BBS2: variants seen among roughly 807,000 people sequenced by gnomAD.
BBS2 encodes BBSome complex member BBS2.
A neutral mutation model predicts 83.0 loss-of-function variants in BBS2; 62 were observed. That is an observed-to-expected ratio of 0.75 (90% CI 0.61 to 0.92). The LOEUF (loss-of-function observed/expected upper bound fraction) is 0.92. Ranked by LOEUF, BBS2 falls within the 40% of genes least tolerant of loss-of-function variation. The pLI is 0.00. For synonymous variants in BBS2, 303 were observed against 326.1 expected (o/e 0.93, Z 0.76); for missense variants, 784 against 901.0 (o/e 0.87, Z 1.66).
intron 1 of BBS2, chr16:56,516,179 G>A (rs1964742862): frequency 6.6e-6 from 1 of 152,182 alleles, no homozygotes; most frequent in Admixed American, 6.5e-5. Flanking sequence ...AGGGAGACAA[G>A]TCTGTCCCTT....
chr16:56,480,236 A>G (rs1224533423), downstream of BBS2, among the ~76,000 whole-genome samples: 3 of 151,814 alleles, frequency 2.0e-5, no homozygotes, highest in African/African-American at 7.3e-5. Flanking sequence ...TAGGGTTCCA[A>G]AAGAAAGAAT....
chr16:56,489,349 T>C (rs1963874104), intron 15 of BBS2, among the ~76,000 whole-genome samples: 1 of 151,754 alleles, frequency 6.6e-6, no homozygotes, highest in African/African-American at 2.4e-5. Flanking sequence ...TCAAAATAAT[T>C]TTTTTTAAAA....
chr16:56,515,348 T>C (rs1487716087), intron 1 of BBS2, among the ~76,000 whole-genome samples: 1 of 152,178 alleles, frequency 6.6e-6, no homozygotes, highest in Non-Finnish European at 1.5e-5. Flanking sequence ...GTTTGGACTA[T>C]AAAATGCAGT....
intron 15 of BBS2, among the ~76,000 whole-genome samples, chr16:56,487,733 A>G (rs1963821961): frequency 6.6e-6 from 1 of 152,184 alleles, no homozygotes. Flanking sequence ...TTTGTTACGG[A>G]GCTACAAAAA....
chr16:56,491,725 C>CAAAAAAAAA (rs773397021), intron 15 of BBS2, among the ~76,000 whole-genome samples: 12 of 43,192 alleles, frequency 2.8e-4, no homozygotes, highest in South Asian at 6.4e-4. Context: ...AACTCAACAG[C>CAAAAAAAAA]AAAAAAAAAA....
At chr16:56,503,225 T>G (rs1964327930) in intron 7 of BBS2, among the ~76,000 whole-genome samples, 1 of 152,204 alleles carries the variant, frequency 6.6e-6, no homozygotes, top group African/African-American at 2.4e-5. Context: ...GGTCTTTTCA[T>G]CTGGGGTTCA....
chr16:56,514,449 T>C lies in BBS2; in HGVS notation c.345+4A>G, dbSNP rs749718244. The C allele has an allele frequency of 3.7e-6, 6 of 1,612,324 alleles. No individual in the cohort carries two copies. The highest frequency in any genetic ancestry group is 1.3e-5 in the African/African-American group (1 of 74,884). On this transcript the variant is annotated splice_donor_region_variant and intron_variant, in intron 2 of 16. Transcript: ENST00000245157. Reference sequence around the variant, plus strand: ...AATTTTATGGTTATAAAGGTTATACTTGCCTCTCTGTAGAACAAATCCGAA... The same window carrying C: ...AATTTTATGGTTATAAAGGTTATACCTGCCTCTCTGTAGAACAAATCCGAA...
At chr16:56,471,428 T>C (rs1394660761) in intron 17 of BBS2, among the ~76,000 whole-genome samples, 1 of 151,726 alleles carries the variant, frequency 6.6e-6, no homozygotes, top group Non-Finnish European at 1.5e-5. Flanking sequence ...TAGAAAAGTC[T>C]CTCTGAGGAG....
chr16:56,488,801 C>T (rs1259789905), intron 15 of BBS2, among the ~76,000 whole-genome samples: 2 of 151,760 alleles, frequency 1.3e-5, no homozygotes, highest in Non-Finnish European at 2.9e-5. Context: ...TGACCCCTAT[C>T]CTGAAGCTAC....
chr16:56,475,001 C>G (rs750474285), intron 17 of BBS2: 3 of 1,595,550 alleles, frequency 1.9e-6, no homozygotes, highest in Admixed American at 1.7e-5. Context: ...GAGGGGCAGT[C>G]TCTTCTGAGG....
chr16:56,482,700 T>C (rs560786434), downstream of BBS2, among the ~76,000 whole-genome samples: 2 of 152,304 alleles, frequency 1.3e-5, no homozygotes, highest in African/African-American at 4.8e-5. Flanking sequence ...TAAACAGCTA[T>C]TAAGATATTA....
In BBS2 at chr16:56,502,450, C is replaced by G. The variant is rs376736472; in HGVS notation, c.947G>C (p.Gly316Ala). The G allele has an allele frequency of 6.2e-7, 1 of 1,614,166 alleles. No individual in the cohort carries two copies. Among genetic ancestry groups the G allele is most frequent in the African/African-American group, 1.3e-5 (1 of 75,036 alleles). Residue 316 changes from glycine to alanine, a missense_variant, in exon 9 of 17, where the codon GGC becomes GCC. By Grantham distance (60) the Gly-to-Ala change is moderately conservative (BLOSUM62 0). Coordinates refer to ENST00000245157, the MANE Select transcript of BBS2 (RefSeq NM_031885.5). ...CATCTCAGCCGTGCCAGGCAGGTAG[C>G]CCCGGACTGAACAGAAGGAAAAAAC... is the stretch of plus-strand genomic sequence containing the variant. ...ICCSVDGEIR[G>A]YLPGTAEMRG...
At chr16:56,483,685 C>T (rs1261740563), downstream of BBS2, among the ~76,000 whole-genome samples, 23 of 151,364 alleles carry the variant, frequency 1.5e-4, no homozygotes, top group African/African-American at 4.6e-4. Flanking sequence ...AAAAAGCACA[C>T]AAATCCAAAT....
intron 17 of BBS2, chr16:56,478,444 T>A (rs1242280653): frequency 6.6e-6 from 1 of 152,248 alleles, no homozygotes; most frequent in Non-Finnish European, 1.5e-5. Flanking sequence ...TACTAATGGT[T>A]AATGTCACAG....
At position 56,501,424 on chromosome 16, in the gene BBS2, G is replaced by C. The variant is rs768860769; in HGVS notation, c.1154C>G (p.Thr385Ser). Residue 385 changes from threonine (T) to serine (S), a missense_variant, in exon 10 of 17, where the codon ACC (threonine) becomes AGC (serine). By Grantham distance (58) the Thr-to-Ser change is moderately conservative. Coordinates refer to ENST00000245157, the MANE Select transcript of BBS2 (RefSeq NM_031885.5). ...ATTCCCCAGGCTGACTGAGAGCGTG[G>C]TGTGGAGCCTGGTATTGGCTGGGAT... ...GIIPANTRLHTTLSVSLGNET... is the reference protein window; with the variant it reads ...GIIPANTRLHSTLSVSLGNET... 1 of 1,614,194 alleles carries C rather than the reference G, an allele frequency of 6.2e-7. No individual in the cohort carries two copies. Among genetic ancestry groups the C allele is most frequent in the South Asian group, 1.1e-5 (1 of 91,088 alleles).
rs886052149 is a variant in BBS2, at chr16:56,510,852, C to G, written c.534+7G>C. ...CACACAAGAGAGATATCTCCTCCCC[C>G]ACATACCTCTTTCTTTCCATCACCA... is the stretch of plus-strand genomic sequence containing the variant. On this transcript the variant is annotated splice_region_variant and intron_variant, in intron 4 of 16. Transcript: ENST00000245157. The G allele has an allele frequency of 8.1e-6, 13 of 1,613,716 alleles. No homozygotes were observed. Among genetic ancestry groups the G allele is most frequent in the South Asian group, 1.1e-5 (1 of 91,078 alleles).
intron 17 of BBS2, chr16:56,475,014 C>A: frequency 6.5e-7 from 1 of 1,541,104 alleles, no homozygotes; most frequent in Non-Finnish European, 8.9e-7. Context: ...TTCTGAGGGA[C>A]CCTTTCCAGC....
At position 56,519,730 on chromosome 16, in the gene BBS2, G is replaced by C. The variant is rs540688936; in HGVS notation, c.117+16C>G. 13 of 1,591,990 alleles carry C rather than the reference G, an allele frequency of 8.2e-6. No individual in the cohort carries two copies. In the South Asian group the frequency reaches 1.4e-4, roughly 18 times the overall value. On this transcript the variant is annotated intron_variant, in intron 1 of 16. Coordinates refer to ENST00000245157, the MANE Select transcript of BBS2 (RefSeq NM_031885.5). ...GTTCCCTGGGGCCCGGGCTCCCTGC[G>C]GGTGGGAGCGGTTACCTTGCCCGTT...
rs1403807008 is a variant in BBS2 at position 56,505,877 on chromosome 16, T to G, written c.804+73A>C. On this transcript the variant is annotated intron_variant, in intron 7 of 16. Transcript: ENST00000245157. ...AGTTTACATCCCAATGTTACTGTTC[T>G]AAGTCCTACAGCCAATACACCTTGG... 7 of 1,162,188 alleles carry G rather than the reference T, an allele frequency of 6.0e-6. No individual in the cohort carries two copies. The African/African-American group carries it at 1.1e-4, about 18-fold the overall frequency. 72.0% of individuals were successfully genotyped at this position (1,162,188 alleles called of 1,614,324 possible).
Sources: gnomAD v4.1 joint callset for allele counts (sites outside exome capture counted in the v4.1 genomes callset) on GRCh38, gnomAD v4.1.1 for gene constraint, MANE v1.5 for transcripts, NCBI Gene and HGNC (gene_info 2026-07-23, HGNC 2026-07-21) for gene names.